The following FAT3 variants were observed in gnomAD, a reference collection of about 807,000 sequenced individuals.
FAT3 encodes protocadherin Fat 3.
FAT3 carries 95 observed loss-of-function variants against 310.2 expected under a neutral mutation model. The observed-to-expected ratio is 0.31, with a 90% CI of 0.26 to 0.36. The LOEUF (loss-of-function observed/expected upper bound fraction) is 0.36. Among genes scored for constraint, FAT3 ranks in the 10% least tolerant of loss-of-function variants. FAT3 has a pLI of 1.00. For synonymous variants in FAT3, 2,314 were observed against 2,192.9 expected, an observed-to-expected ratio of 1.06 and a Z score of -1.54; for missense variants, 5,408 against 5,715.6, an observed-to-expected ratio of 0.95 and a Z score of 1.74.
intron 2 of FAT3, among the ~76,000 whole-genome samples, chr11:92,483,151 C>A (rs1435243862): frequency 6.6e-6 from 1 of 152,124 alleles, no homozygotes; most frequent in Non-Finnish European, 1.5e-5. Context: ...GATGCTTGGA[C>A]AAGCTAAGTG....
In FAT3 at chr11:92,524,692, A is replaced by T; in HGVS notation, c.3351A>T (p.Thr1117=). ...DRETMGSYWL[T]VYATDRGVVP... ...AGACAATGGGGTCATACTGGCTAAC[A>T]GTGTATGCCACAGACAGGGGCGTTG... The change falls in exon 3 of 28, where the codon ACA becomes ACT. Residue 1117 remains threonine (T), a synonymous_variant. Coordinates refer to ENST00000525166, the MANE Select transcript of FAT3 (RefSeq NM_001367949.2). The T allele has an allele frequency of 6.2e-7, 1 of 1,613,896 alleles. No homozygotes were observed. The highest frequency in any genetic ancestry group is 8.5e-7 in the Non-Finnish European group (1 of 1,179,844).
intron 1 of FAT3, among the ~76,000 whole-genome samples, chr11:92,240,897 T>TC (rs1864647048): frequency 1.3e-5 from 2 of 152,052 alleles, no homozygotes; most frequent in Non-Finnish European, 2.9e-5. Context: ...TGTTTTCCAG[T>TC]CTATTTTATA....
intron 4 of FAT3, among the ~76,000 whole-genome samples, chr11:92,736,408 A>G (rs1945349597): frequency 6.6e-6 from 1 of 152,192 alleles, no homozygotes; most frequent in African/African-American, 2.4e-5. Flanking sequence ...TGTTCAGGTA[A>G]TCATGAAGAT....
At chr11:92,530,374 G>A (rs973595640) in intron 3 of FAT3, among the ~76,000 whole-genome samples, 2 of 152,090 alleles carry the variant, frequency 1.3e-5, no homozygotes, top group Non-Finnish European at 2.9e-5. Context: ...GTAACAAGGT[G>A]CCCAGAGACA....
intron 1 of FAT3, among the ~76,000 whole-genome samples, chr11:92,302,258 ACCT>A (rs1947017574): frequency 1.3e-5 from 2 of 151,412 alleles, no homozygotes; most frequent in South Asian, 4.2e-4. Context: ...TAATATTCAA[ACCT>A]CCCGGTGGTT....
At chr11:92,293,516 A>T (rs868094290) in intron 1 of FAT3, among the ~76,000 whole-genome samples, 400 of 32,690 alleles carry the variant, frequency 0.012, 7 homozygotes, top group African/African-American at 0.058. Context: ...CTCAGATTAT[A>T]TATATATATA....
intron 1 of FAT3, among the ~76,000 whole-genome samples, chr11:92,320,074 T>C (rs1174991437): frequency 6.6e-6 from 1 of 152,170 alleles, no homozygotes; most frequent in African/African-American, 2.4e-5. Flanking sequence ...AATCACAAAG[T>C]CCTGGGCTCC....
rs370396113 is a variant in FAT3, at chr11:92,645,080, A to C, written c.3608-52304A>C. Among the ~76,000 whole-genome samples, 5 of 152,320 alleles carry C rather than the reference A, an allele frequency of 3.3e-5. No homozygotes were observed. In the East Asian group the frequency reaches 5.8e-4, roughly 18 times the overall value. ...TCCTGCATTTTATATACTTCAGTCC[A>C]TGTTAAGAAGTTTTCTGAGTAGATG... On this transcript the variant is annotated intron_variant, in intron 3 of 27. Coordinates refer to ENST00000525166, the MANE Select transcript of FAT3 (RefSeq NM_001367949.2).
intron 2 of FAT3, among the ~76,000 whole-genome samples, chr11:92,518,451 A>C (rs1424863941): frequency 6.6e-6 from 1 of 152,102 alleles, no homozygotes; most frequent in Non-Finnish European, 1.5e-5. Flanking sequence ...CATAAGTGGG[A>C]ATTGAACAAT....
chr11:92,335,985 C>T, intron 1 of FAT3: 1 of 442,040 alleles, frequency 2.3e-6, no homozygotes, highest in South Asian at 1.8e-5. Flanking sequence ...GAATGGCAGG[C>T]AAGGGGTGGG....
At chr11:92,269,691 TC>T (rs576242706) in intron 1 of FAT3, among the ~76,000 whole-genome samples, 5 of 152,228 alleles carry the variant, frequency 3.3e-5, no homozygotes, top group African/African-American at 1.2e-4. Flanking sequence ...TTACCTACCT[TC>T]TTTCTAATTT....
At chr11:92,663,877 T>G (rs1039197493) in intron 3 of FAT3, among the ~76,000 whole-genome samples, 1 of 152,218 alleles carries the variant, frequency 6.6e-6, no homozygotes. Context: ...TATGTAACTT[T>G]TAGCATCTTT....
chr11:92,482,997 A>G (rs886469807), intron 2 of FAT3, among the ~76,000 whole-genome samples: 12 of 152,238 alleles, frequency 7.9e-5, no homozygotes, highest in African/African-American at 2.4e-4. Context: ...TACTGCATGT[A>G]CAATATGAAA....
At chr11:92,675,073 T>C (rs1943247113) in intron 3 of FAT3, among the ~76,000 whole-genome samples, 1 of 152,154 alleles carries the variant, frequency 6.6e-6, no homozygotes, top group African/African-American at 2.4e-5. Context: ...TTTAAAAAGG[T>C]GCCCTGAGGA....
chr11:92,714,637 G>A (rs1199801530), intron 4 of FAT3, among the ~76,000 whole-genome samples: 1 of 152,156 alleles, frequency 6.6e-6, no homozygotes, highest in East Asian at 1.9e-4. Context: ...GAACAATACA[G>A]TTTGTCCCTC....
At chr11:92,305,631 A>G (rs1051552465) in intron 1 of FAT3, among the ~76,000 whole-genome samples, 1 of 152,170 alleles carries the variant, frequency 6.6e-6, no homozygotes, top group African/African-American at 2.4e-5. Flanking sequence ...ACCTCTTGAT[A>G]TGATACAGGT....
Position 92,798,769 on chromosome 11 carries a change from C to T in FAT3, c.5756C>T (p.Thr1919Ile), listed in dbSNP as rs1947245775. Residue 1919 changes from threonine to isoleucine, a missense_variant, in exon 10 of 28, where the codon ACA (threonine) becomes ATA (isoleucine). By Grantham distance (89) the Thr-to-Ile change is moderately conservative. Around this residue, in one of 5 missense-constraint regions of FAT3, gnomAD observed 4,588 missense variants for 4,809.8 expected, o/e 0.95. Transcript: ENST00000525166. ...GACTCTGAGGTACCCCCTGAACTGA[C>T]ATACAGCCTAATGGAAGGCAGTTTG... Reference protein sequence around the residue: ...DPDSEVPPELTYSLMEGSLDH... With the variant: ...DPDSEVPPELIYSLMEGSLDH... The T allele has an allele frequency of 6.2e-7, 1 of 1,613,736 alleles. No homozygotes were observed.
At chr11:92,540,284 A>T (rs77054769) in intron 3 of FAT3, among the ~76,000 whole-genome samples, 1,967 of 151,596 alleles carry the variant, frequency 0.013, 42 homozygotes, top group African/African-American at 0.044. Flanking sequence ...GACCTTGAAG[A>T]CTCCTCCCAT....
intron 4 of FAT3, among the ~76,000 whole-genome samples, chr11:92,712,056 C>T (rs1473833881): frequency 6.6e-6 from 1 of 152,148 alleles, no homozygotes; most frequent in East Asian, 1.9e-4. Context: ...AAGCGACATT[C>T]GCATTTGGCA....
Sources: gnomAD v4.1 joint callset for allele counts (sites outside exome capture counted in the v4.1 genomes callset) on GRCh38, gnomAD v4.1.1 for gene constraint, gnomAD v4.1.1 regional missense constraint, MANE v1.5 for transcripts, NCBI Gene and HGNC (gene_info 2026-07-23, HGNC 2026-07-21) for gene names.